ANKDD1B: variants seen among roughly 807,000 people sequenced by gnomAD.
ANKDD1B encodes ankyrin repeat and death domain-containing protein 1B.
Under a neutral mutation model 59.7 loss-of-function variants are expected in ANKDD1B, and 57 were observed. The ratio of observed to expected loss-of-function variants is 0.95; its 90% confidence interval spans 0.77 to 1.19. The LOEUF (loss-of-function observed/expected upper bound fraction) is 1.19. ANKDD1B is among the 50% of genes most tolerant of loss of function. The pLI, the probability that ANKDD1B is intolerant of heterozygous loss-of-function variation, is 0.00. For synonymous variants in ANKDD1B, 216 were observed against 239.5 expected (o/e 0.90, Z 0.91); for missense variants, 602 against 641.9 (o/e 0.94, Z 0.67).
Position 75,625,741 on chromosome 5 carries a change from A to G in ANKDD1B, c.491A>G (p.Asn164Ser), listed in dbSNP as rs1412485348. Reference sequence around the variant, plus strand: ...GCTGGAGCAGACCAGAGAGCCAAGAATCAGGTAGGTATGTGGGTCACACCT... The same window carrying G: ...GCTGGAGCAGACCAGAGAGCCAAGAGTCAGGTAGGTATGTGGGTCACACCT... Reference protein sequence around the residue: ...VKAGADQRAKNQDGMSALHFA... With the variant: ...VKAGADQRAKSQDGMSALHFA... Residue 164 changes from asparagine (N) to serine (S), a missense_variant, in exon 4 of 14, where the codon AAT (asparagine) becomes AGT (serine). Transcript: ENST00000601380. The G allele has an allele frequency of 6.5e-7, 1 of 1,536,350 alleles. No homozygotes were observed. Among genetic ancestry groups the G allele is most frequent in the East Asian group, 2.4e-5 (1 of 40,920 alleles).
At chr5:75,648,107 T>G (rs1166966104) in intron 7 of ANKDD1B, among the ~76,000 whole-genome samples, 2 of 47,704 alleles carry the variant, frequency 4.2e-5, no homozygotes, top group Non-Finnish European at 7.8e-5. Flanking sequence ...TGTGGTGGGG[T>G]GGGGGGAGGG....
intron 5 of ANKDD1B, among the ~76,000 whole-genome samples, chr5:75,627,259 G>T (rs1227977096): frequency 1.3e-5 from 2 of 152,144 alleles, no homozygotes; most frequent in East Asian, 3.9e-4. Context: ...AACAACAAGG[G>T]TTGATAGGAG....
rs1310178644 is a variant in ANKDD1B, at chr5:75,611,627, A to G, written c.-8A>G. 1 of 1,230,562 alleles carries G rather than the reference A, an allele frequency of 8.1e-7. No homozygotes were observed. Among genetic ancestry groups the G allele is most frequent in the African/African-American group, 1.6e-5 (1 of 64,050 alleles). 76.2% of individuals were successfully genotyped at this position (1,230,562 alleles called of 1,614,324 possible). The stretch of plus-strand genomic sequence containing the variant: ...CTGGCCCTGCGCTCAGGGCCCGCGG[A>G]GGAGACTATGGACCCCGCCGGGCGC... On this transcript the variant is annotated 5_prime_UTR_variant, in exon 1 of 14. Transcript: ENST00000601380.
intron 3 of ANKDD1B, among the ~76,000 whole-genome samples, chr5:75,620,946 G>A (rs778159534): frequency 6.6e-6 from 1 of 152,120 alleles, no homozygotes; most frequent in East Asian, 1.9e-4. Flanking sequence ...TGGTCTCCCC[G>A]CTCTGCTGTG....
At chr5:75,658,835 A>G (rs1006637582) in intron 9 of ANKDD1B, among the ~76,000 whole-genome samples, 1 of 152,240 alleles carries the variant, frequency 6.6e-6, no homozygotes, top group African/African-American at 2.4e-5. Context: ...TGTACAGTTC[A>G]GCAGCATTAA....
chr5:75,648,425 C>T (rs1396386860), intron 7 of ANKDD1B, among the ~76,000 whole-genome samples: 1 of 152,070 alleles, frequency 6.6e-6, no homozygotes, highest in Non-Finnish European at 1.5e-5. Context: ...TAGCAAGACT[C>T]TGTCAGGCTT....
At chr5:75,656,960 T>G (rs1380017164) in intron 9 of ANKDD1B, among the ~76,000 whole-genome samples, 1 of 152,206 alleles carries the variant, frequency 6.6e-6, no homozygotes, top group African/African-American at 2.4e-5. Context: ...GAGCTCAATT[T>G]TGCTCTGAGC....
At chr5:75,659,404 A>G in intron 10 of ANKDD1B, 23 bp downstream of exon 10, 1 of 1,491,866 alleles carries the variant, frequency 6.7e-7, no homozygotes, top group Non-Finnish European at 9.0e-7. Flanking sequence ...ACTTTACTCC[A>G]TTCAGCTGAG....
intron 5 of ANKDD1B, among the ~76,000 whole-genome samples, chr5:75,633,374 T>G (rs1296544949): frequency 6.6e-6 from 1 of 152,228 alleles, no homozygotes; most frequent in Admixed American, 6.5e-5. Context: ...AGGACTGATC[T>G]TTATAGATTT....
intron 5 of ANKDD1B, among the ~76,000 whole-genome samples, chr5:75,632,324 G>T (rs2112974949): frequency 6.6e-6 from 1 of 152,288 alleles, no homozygotes; most frequent in Middle Eastern, 3.4e-3. Flanking sequence ...GAGATCAAAT[G>T]ATGTCAGCAG....
At position 75,669,525 on chromosome 5, in the gene ANKDD1B, T is replaced by C. The variant is rs1407626293; in HGVS notation, c.1525+142T>C. 5.8e-6 allele frequency: 4 copies of C among 692,608 alleles called. No homozygotes were observed. In the Admixed American group the frequency reaches 1.3e-4, roughly 23 times the overall value. The allele number at this position is 692,608 out of a possible 1,614,324, so 42.9% of individuals were successfully genotyped here. ...CGGAGTATGGAACTATGGAAGGGGC[T>C]TGTAAGCTGTCAGCAGCTTCTCCTT... is the stretch of plus-strand genomic sequence containing the variant. On this transcript the variant is annotated intron_variant, in intron 13 of 13. Transcript: ENST00000601380.
At chr5:75,635,672 C>T (rs16872674) in intron 6 of ANKDD1B, 112 bp from the exon 7 acceptor site, 34,349 of 591,098 alleles carry the variant, frequency 0.058, 1,729 homozygotes, top group South Asian at 0.18. Context: ...CACTCTGGAC[C>T]GCAGCTTTAA....
At chr5:75,648,822 C>G (rs764180768) in intron 7 of ANKDD1B, among the ~76,000 whole-genome samples, 2 of 152,180 alleles carry the variant, frequency 1.3e-5, no homozygotes, top group Non-Finnish European at 2.9e-5. Context: ...TTTGCTTTCA[C>G]ATTTGTAGGT....
intron 1 of ANKDD1B, 45 bp from the exon 2 acceptor site, chr5:75,616,759 G>T: frequency 1.1e-6 from 1 of 883,492 alleles, no homozygotes; most frequent in Non-Finnish European, 1.7e-6. Flanking sequence ...TTTCTCTTTG[G>T]CCTCCTTAAA....
rs143616932 is a variant in ANKDD1B, at chr5:75,634,939, T to C, written c.642T>C (p.His214=). The C allele has an allele frequency of 1.1e-3, 1,678 of 1,535,784 alleles. 15 individuals carry two copies. The African/African-American group carries it at 0.02, about 19-fold the overall frequency. ...TTCTTTTGGCAGCTGAGAGGGGCCA[T>C]GTTGAAATGATAGAAAAACTTACCT... is the stretch of plus-strand genomic sequence containing the variant. ...KPFLLAAERG[H]VEMIEKLTFL... Residue 214 remains histidine, a synonymous_variant, in exon 6 of 14, where the codon CAT becomes CAC. Coordinates refer to ENST00000601380, the MANE Select transcript of ANKDD1B (RefSeq NM_001276713.2).
chr5:75,658,278 G>A lies in ANKDD1B; in HGVS notation c.997-1005G>A, dbSNP rs570065794. Among the ~76,000 whole-genome samples, 32 of 152,296 alleles carry A rather than the reference G, an allele frequency of 2.1e-4. 1 individual carries two copies. The highest frequency in any genetic ancestry group is 7.5e-4 in the African/African-American group (31 of 41,580). On this transcript the variant is annotated intron_variant, in intron 9 of 13. Coordinates refer to ENST00000601380, the MANE Select transcript of ANKDD1B (RefSeq NM_001276713.2). ...GCATATTGGCCCTGTGCTCTGGTAG[G>A]AAGAGTAGTGGGCCACATGCCATTG...
At position 75,620,374 on chromosome 5, in the gene ANKDD1B, C is replaced by A; in HGVS notation, c.357C>A (p.Phe119Leu). 2 of 1,535,502 alleles carry A rather than the reference C, an allele frequency of 1.3e-6. No homozygotes were observed. Residue 119 changes from phenylalanine to leucine, a missense_variant, in exon 3 of 14, where the codon TTC (phenylalanine) becomes TTA (leucine). Physicochemically the swap from Phe to Leu is conservative, Grantham distance 22 (BLOSUM62 0). Around this residue, in one of 3 missense-constraint regions of ANKDD1B, gnomAD observed 317 missense variants for 304.6 expected, o/e 1.04. Coordinates refer to ENST00000601380, the MANE Select transcript of ANKDD1B (RefSeq NM_001276713.2). ...GAAATCATTTATCTGCAGTGGATTTCTTGCTTAAACACAAGGCCAGGGTGG... is the reference window on the plus strand; with the variant it reads ...GAAATCATTTATCTGCAGTGGATTTATTGCTTAAACACAAGGCCAGGGTGG... ...VGRNHLSAVD[F>L]LLKHKARVDV...
In ANKDD1B at chr5:75,620,334, A is replaced by G. The variant is rs1773813938; in HGVS notation, c.317A>G (p.His106Arg). The change falls in exon 3 of 14, where the codon CAT (histidine) becomes CGT (arginine). Residue 106 changes from histidine to arginine, a missense_variant. Around this residue, in one of 3 missense-constraint regions of ANKDD1B, gnomAD observed 317 missense variants for 304.6 expected, o/e 1.04. Transcript: ENST00000601380. ...CCTCAGATGAACCGCACAGCCCTGCATTTTGCAGTGGGGAGAAATCATTTA... is the reference window on the plus strand; with the variant it reads ...CCTCAGATGAACCGCACAGCCCTGCGTTTTGCAGTGGGGAGAAATCATTTA... ...VVNNMNRTALHFAVGRNHLSA... is the reference protein window; with the variant it reads ...VVNNMNRTALRFAVGRNHLSA... 6.5e-7 allele frequency: 1 copy of G among 1,532,148 alleles called. No individual in the cohort carries two copies. Among genetic ancestry groups the G allele is most frequent in the Admixed American group, 2.0e-5 (1 of 50,916 alleles). 94.9% of individuals were successfully genotyped at this position (1,532,148 alleles called of 1,614,324 possible). A position where few individuals can be genotyped will look rare whatever the true frequency, so the allele number is the denominator to read the frequency against.
At chr5:75,619,965 A>T (rs185762767) in intron 2 of ANKDD1B, among the ~76,000 whole-genome samples, 248 of 152,348 alleles carry the variant, frequency 1.6e-3, no homozygotes, top group Non-Finnish European at 2.9e-3. Context: ...AGAAAAATTT[A>T]CCATTATTAA....
Sources: gnomAD v4.1 joint callset for allele counts (sites outside exome capture counted in the v4.1 genomes callset) on GRCh38, gnomAD v4.1.1 for gene constraint, gnomAD v4.1.1 regional missense constraint, MANE v1.5 for transcripts, NCBI Gene and HGNC (gene_info 2026-07-23, HGNC 2026-07-21) for gene names.